Variants in METTL16 observed in about 807,000 individuals in gnomAD.
METTL16 encodes the protein RNA N(6)-adenosine-methyltransferase METTL16.
A neutral mutation model predicts 57.9 loss-of-function variants in METTL16; 19 were observed. That is an observed-to-expected ratio of 0.33 (90% CI 0.23 to 0.48). The LOEUF (loss-of-function observed/expected upper bound fraction) is 0.48. METTL16 is among the 20% of genes least tolerant of loss of function. The pLI, the probability that METTL16 is intolerant of heterozygous loss-of-function variation, is 0.99. For missense variants in METTL16, 434 were observed against 691.5 expected (o/e 0.63, Z 4.18); for synonymous variants, 246 against 255.6 (o/e 0.96, Z 0.36).
intron 2 of METTL16, among the ~76,000 whole-genome samples, chr17:2,479,143 T>A (rs1380079621): frequency 6.6e-6 from 1 of 151,586 alleles, no homozygotes; most frequent in African/African-American, 2.4e-5. Flanking sequence ...CAGAGCAGGG[T>A]CTTTTTTGGT....
chr17:2,511,848 A>G lies in METTL16; in HGVS notation c.-90T>C. ...AAAGCAGCCGCATAGCGAAGCTCCTAGAAACGCAGATGATACGCTCCCAGC... is the reference window on the plus strand; with the variant it reads ...AAAGCAGCCGCATAGCGAAGCTCCTGGAAACGCAGATGATACGCTCCCAGC... On this transcript the variant is annotated 5_prime_UTR_variant, in exon 1 of 10. Transcript: ENST00000263092. The G allele has an allele frequency of 2.5e-6, 1 of 398,652 alleles. No homozygotes were observed. The highest frequency in any genetic ancestry group is 4.4e-6 in the Non-Finnish European group (1 of 226,114). The allele number at this position is 398,652 out of a possible 1,614,324, so 24.7% of individuals were successfully genotyped here. A position where few individuals can be genotyped will look rare whatever the true frequency, so the allele number is the denominator to read the frequency against.
rs1286128164 is a variant in METTL16, at chr17:2,495,677, A to G, written c.128+6527T>C. ...GCCACTGCACCCCAGCCTGGGTGACAGAGAAAGACTCTGTCTCAAAAAAAA... is the reference window on the plus strand; with the variant it reads ...GCCACTGCACCCCAGCCTGGGTGACGGAGAAAGACTCTGTCTCAAAAAAAA... On this transcript the variant is annotated intron_variant, in intron 2 of 9. Coordinates refer to ENST00000263092, the MANE Select transcript of METTL16 (RefSeq NM_024086.4). Among the ~76,000 whole-genome samples the G allele has an allele frequency of 2.8e-5, 4 of 143,252 alleles. No individual in the cohort carries two copies. The East Asian group carries it at 8.1e-4, about 29-fold the overall frequency. The allele number at this position is 143,252 out of a possible 152,430, so 94.0% of individuals were successfully genotyped here. A position where few individuals can be genotyped will look rare whatever the true frequency, so the allele number is the denominator to read the frequency against.
chr17:2,448,804 A>AG (rs1443063006), intron 6 of METTL16, among the ~76,000 whole-genome samples: 2 of 86,378 alleles, frequency 2.3e-5, no homozygotes, highest in Non-Finnish European at 4.0e-5. Flanking sequence ...ATAAAATTTA[A>AG]AAAAAAAAAA....
intron 6 of METTL16, among the ~76,000 whole-genome samples, chr17:2,451,535 C>T (rs1239012353): frequency 1.3e-5 from 2 of 151,462 alleles, no homozygotes; most frequent in Non-Finnish European, 2.9e-5. Context: ...GCAGGAGAAT[C>T]GCTTGAACCC....
At chr17:2,454,947 G>A (rs779742050) in intron 6 of METTL16, among the ~76,000 whole-genome samples, 1 of 152,060 alleles carries the variant, frequency 6.6e-6, no homozygotes, top group African/African-American at 2.4e-5. Context: ...TTGAGATGGA[G>A]TCTCGCTCTG....
At chr17:2,492,136 G>A (rs1440793129) in intron 2 of METTL16, among the ~76,000 whole-genome samples, 1 of 151,700 alleles carries the variant, frequency 6.6e-6, no homozygotes, top group Non-Finnish European at 1.5e-5. Context: ...GCGTGAACCT[G>A]GGAGGCGGAG....
chr17:2,423,103 G>A (rs1242775186), intron 8 of METTL16, among the ~76,000 whole-genome samples: 1 of 152,170 alleles, frequency 6.6e-6, no homozygotes, highest in African/African-American at 2.4e-5. Context: ...TGGCCACACT[G>A]ACAGCGCACA....
chr17:2,503,454 T>A (rs1348542912), intron 1 of METTL16, among the ~76,000 whole-genome samples: 2 of 152,018 alleles, frequency 1.3e-5, no homozygotes, highest in African/African-American at 4.8e-5. Context: ...CAAAATACAG[T>A]ATATCCATAC....
intron 8 of METTL16, among the ~76,000 whole-genome samples, chr17:2,427,875 A>G (rs2066830955): frequency 6.6e-6 from 1 of 151,072 alleles, no homozygotes; most frequent in African/African-American, 2.4e-5. Flanking sequence ...GCACTTGGGG[A>G]GGTCGAGGCA....
intron 8 of METTL16, among the ~76,000 whole-genome samples, chr17:2,430,447 G>A (rs1314721609): frequency 1.5e-4 from 18 of 121,494 alleles, no homozygotes; most frequent in African/African-American, 4.8e-4. Flanking sequence ...ACGGAGTCTC[G>A]CTCTGTCGCC....
intron 6 of METTL16, among the ~76,000 whole-genome samples, chr17:2,442,412 T>G (rs894193529): frequency 2.0e-5 from 3 of 150,824 alleles, no homozygotes; most frequent in South Asian, 2.1e-4. Context: ...GAGACACAGA[T>G]CAAAGTTCAG....
At chr17:2,510,647 T>A (rs981770704) in intron 1 of METTL16, among the ~76,000 whole-genome samples, 1 of 152,154 alleles carries the variant, frequency 6.6e-6, no homozygotes, top group Admixed American at 6.5e-5. Context: ...TCTTCAGAGT[T>A]TAACTGGGCA....
At chr17:2,508,051 T>C (rs1383591357) in intron 1 of METTL16, among the ~76,000 whole-genome samples, 3 of 151,930 alleles carry the variant, frequency 2.0e-5, no homozygotes, top group Non-Finnish European at 2.9e-5. Flanking sequence ...GTTTATCTGC[T>C]GACCTTCCCT....
In METTL16 at chr17:2,423,261, GGTGTGTGTGTGTGT is replaced by G. The variant is rs58486923; in HGVS notation, c.889-2371_889-2358del. Among the ~76,000 whole-genome samples, 684 of 143,702 alleles carry G rather than the reference GGTGTGTGTGTGTGT, an allele frequency of 4.8e-3. 4 individuals carry two copies. Among genetic ancestry groups the G allele is most frequent in the African/African-American group, 0.016 (644 of 39,514 alleles). The allele number at this position is 143,702 out of a possible 152,430, so 94.3% of individuals were successfully genotyped here. A position where few individuals can be genotyped will look rare whatever the true frequency, so the allele number is the denominator to read the frequency against. ...TGTTAGGGAAGGATAAAAAACAAAGGGTGTGTGTGTGTGTGTGTGTGTGTGTGTGTGTGTGTGTG... is the reference window on the plus strand; with the variant it reads ...TGTTAGGGAAGGATAAAAAACAAAGGGTGTGTGTGTGTGTGTGTGTGTGTG... On this transcript the variant is annotated intron_variant, in intron 8 of 9. Coordinates refer to ENST00000263092, the MANE Select transcript of METTL16 (RefSeq NM_024086.4).
In METTL16 at chr17:2,438,245, CA is replaced by C. The variant is rs1397154310; in HGVS notation, c.799-48del. ...TCTCATCAAACTGCAATCATTCTAC[CA>C]ATATGTTTCTGGCTGCTGCGTCATG... On this transcript the variant is annotated intron_variant, in intron 7 of 9. Transcript: ENST00000263092. 3 of 1,373,006 alleles carry C rather than the reference CA, an allele frequency of 2.2e-6. No homozygotes were observed. In the African/African-American group the frequency reaches 4.3e-5, roughly 20 times the overall value. The allele number at this position is 1,373,006 out of a possible 1,614,324, so 85.1% of individuals were successfully genotyped here.
At chr17:2,508,667 C>G (rs975476149) in intron 1 of METTL16, among the ~76,000 whole-genome samples, 1 of 152,132 alleles carries the variant, frequency 6.6e-6, no homozygotes, top group African/African-American at 2.4e-5. Flanking sequence ...AAACTGATCT[C>G]TTCATAAACA....
At position 2,467,834 on chromosome 17, in the gene METTL16, T is replaced by C; in HGVS notation, c.512A>G (p.Lys171Arg). Reference protein sequence around the residue: ...PQKTLLMDALKEESEIIYDFC... With the variant: ...PQKTLLMDALREESEIIYDFC... ...GTCATAGATTATCTCAGATTCTTCT[T>C]TAAGAGCATCCATCAGGAGTGTCTT... Residue 171 changes from lysine (K) to arginine (R), a missense_variant, in exon 5 of 10, where the codon AAA becomes AGA. Lys to Arg is a conservative substitution (Grantham distance 26, BLOSUM62 2). Transcript: ENST00000263092. The C allele has an allele frequency of 6.2e-7, 1 of 1,614,204 alleles. No individual in the cohort carries two copies. The highest frequency in any genetic ancestry group is 8.5e-7 in the Non-Finnish European group (1 of 1,180,026).
rs1054225976 is a variant in METTL16 at position 2,498,914 on chromosome 17, C to T, written c.128+3290G>A. Among the ~76,000 whole-genome samples the T allele has an allele frequency of 5.9e-5, 9 of 151,692 alleles. 2 individuals carry two copies. Among genetic ancestry groups the T allele is most frequent in the African/African-American group, 2.0e-4 (8 of 41,014 alleles). Reference sequence around the variant, plus strand: ...TCTCTTGTCCACTGCACCCCAGCCACGCTTCACTTCTTCAGTTCCCCTCTG... The same window carrying T: ...TCTCTTGTCCACTGCACCCCAGCCATGCTTCACTTCTTCAGTTCCCCTCTG... On this transcript the variant is annotated intron_variant, in intron 2 of 9. Transcript: ENST00000263092.
chr17:2,471,030 G>C (rs567279336), intron 4 of METTL16, among the ~76,000 whole-genome samples: 10 of 152,160 alleles, frequency 6.6e-5, no homozygotes, highest in African/African-American at 2.4e-4. Context: ...CAACAGAAGA[G>C]AATAGATATA....
Sources: gnomAD v4.1 joint callset for allele counts (sites outside exome capture counted in the v4.1 genomes callset) on GRCh38, gnomAD v4.1.1 for gene constraint, MANE v1.5 for transcripts, NCBI Gene and HGNC (gene_info 2026-07-23, HGNC 2026-07-21) for gene names.